Variants in ATP2B2 observed in about 807,000 individuals in gnomAD.
The protein encoded by ATP2B2 is plasma membrane calcium-transporting ATPase 2.
A neutral mutation model predicts 120.0 loss-of-function variants in ATP2B2; 15 were observed. The observed-to-expected ratio is 0.12, with a 90% CI of 0.08 to 0.19. The LOEUF is 0.19. Among genes scored for constraint, ATP2B2 ranks in the 10% least tolerant of loss-of-function variants. The pLI, the probability that ATP2B2 is intolerant of heterozygous loss-of-function variation, is 1.00. For missense variants in ATP2B2, 1,045 were observed against 1,719.8 expected (o/e 0.61, Z 6.94); for synonymous variants, 694 against 700.3 (o/e 0.99, Z 0.14).
upstream of ATP2B2, among the ~76,000 whole-genome samples, chr3:10,508,733 C>T (rs1393623752): frequency 6.6e-6 from 1 of 152,154 alleles, no homozygotes; most frequent in Non-Finnish European, 1.5e-5. Context: ...GGGTATTGGA[C>T]AGGCAGAGGT....
At chr3:10,385,363 C>G in intron 7 of ATP2B2, 36 bp from the exon 8 acceptor site, 1 of 1,595,238 alleles carries the variant, frequency 6.3e-7, no homozygotes. Context: ...AATGCAGTGT[C>G]ACAATGGAGA....
In ATP2B2 at chr3:10,402,479, G is replaced by A. The variant is rs559515935; in HGVS notation, c.398-131C>T. 7.4e-7 allele frequency: 1 copy of A among 1,350,044 alleles called. No individual in the cohort carries two copies. The highest frequency in any genetic ancestry group is 2.3e-5 in the East Asian group (1 of 42,664). 83.6% of individuals were successfully genotyped at this position (1,350,044 alleles called of 1,614,324 possible). ...CAGATGATAATTATCCACTTACTCA[G>A]TGTGTCTGGGTACCAAGCCCTGTGG... On this transcript the variant is annotated intron_variant, in intron 3 of 22. Transcript: ENST00000360273. The surrounding 1 kb of genome is among the most constrained non-coding windows in gnomAD (Gnocchi z 4.9).
chr3:10,565,914 C>T (rs1575502746), intron 2 of ATP2B2, among the ~76,000 whole-genome samples: 1 of 152,310 alleles, frequency 6.6e-6, no homozygotes, highest in African/African-American at 2.4e-5. Flanking sequence ...CTCACTTCAT[C>T]CATCCATCCT....
At chr3:10,407,467 G>C (rs983132891) in intron 3 of ATP2B2, among the ~76,000 whole-genome samples, 1 of 152,052 alleles carries the variant, frequency 6.6e-6, no homozygotes, top group Non-Finnish European at 1.5e-5. Flanking sequence ...GACAGGGCCG[G>C]CGTTGCTCCT....
intron 2 of ATP2B2, among the ~76,000 whole-genome samples, chr3:10,592,630 C>T (rs2068671317): frequency 6.6e-6 from 1 of 152,234 alleles, no homozygotes; most frequent in South Asian, 2.1e-4. Context: ...TAATCATGAA[C>T]ATGAAACACC....
At chr3:10,678,388 A>G (rs1238959453) in intron 1 of ATP2B2, among the ~76,000 whole-genome samples, 1 of 152,172 alleles carries the variant, frequency 6.6e-6, no homozygotes, top group Non-Finnish European at 1.5e-5. Context: ...GGCACTTCCC[A>G]GGGGTGGCCA....
At chr3:10,334,563 A>T (rs1462416009) in intron 22 of ATP2B2, among the ~76,000 whole-genome samples, 1 of 151,948 alleles carries the variant, frequency 6.6e-6, no homozygotes, top group Non-Finnish European at 1.5e-5. Context: ...ACGGTATCTC[A>T]TGGAAATGTG....
chr3:10,486,612 T>C (rs929807741), intron 1 of ATP2B2, among the ~76,000 whole-genome samples: 2 of 152,102 alleles, frequency 1.3e-5, no homozygotes, highest in African/African-American at 4.8e-5. Flanking sequence ...ATCTTGAACA[T>C]CACCTACTAG....
chr3:10,679,544 G>C (rs1321116276), intron 1 of ATP2B2, among the ~76,000 whole-genome samples: 1 of 152,186 alleles, frequency 6.6e-6, no homozygotes, highest in Non-Finnish European at 1.5e-5. Flanking sequence ...CAGTTTGGGG[G>C]ATAGTCAGGA....
intron 1 of ATP2B2, among the ~76,000 whole-genome samples, chr3:10,684,024 T>G (rs1355699282): frequency 6.6e-6 from 1 of 151,836 alleles, no homozygotes; most frequent in Non-Finnish European, 1.5e-5. Context: ...GCAGCTCCAT[T>G]GGAGAATTGT....
chr3:10,359,165 A>G (rs1160946069), intron 13 of ATP2B2, among the ~76,000 whole-genome samples: 1 of 151,886 alleles, frequency 6.6e-6, no homozygotes, highest in Non-Finnish European at 1.5e-5. Context: ...CTGAAATAAC[A>G]CTCCCACAGC....
intron 1 of ATP2B2, among the ~76,000 whole-genome samples, chr3:10,705,749 A>C (rs2071886816): frequency 6.6e-6 from 1 of 152,240 alleles, no homozygotes; most frequent in African/African-American, 2.4e-5. Flanking sequence ...GCAAAAAATA[A>C]TTGCTCAAAA....
intron 2 of ATP2B2, among the ~76,000 whole-genome samples, chr3:10,584,042 G>T (rs1205753131): frequency 6.6e-6 from 1 of 152,220 alleles, no homozygotes; most frequent in African/African-American, 2.4e-5. Flanking sequence ...AGACACAGCC[G>T]CTGCCCTCCT....
chr3:10,601,424 A>T (rs989698585), intron 2 of ATP2B2, among the ~76,000 whole-genome samples: 3 of 152,094 alleles, frequency 2.0e-5, no homozygotes, highest in Admixed American at 6.5e-5. Flanking sequence ...GCCTTGCCTG[A>T]GTCAGAGGCC....
At chr3:10,543,552 C>A (rs1312473486) in intron 2 of ATP2B2, among the ~76,000 whole-genome samples, 3 of 152,126 alleles carry the variant, frequency 2.0e-5, no homozygotes, top group Non-Finnish European at 2.9e-5. Flanking sequence ...CTTTAATCTT[C>A]TAATTGTTTT....
intron 1 of ATP2B2, among the ~76,000 whole-genome samples, chr3:10,670,718 GC>G (rs2071074673): frequency 6.6e-6 from 1 of 152,182 alleles, no homozygotes; most frequent in South Asian, 2.1e-4. Context: ...ACGGGGCCCG[GC>G]CCTGATATTA....
chr3:10,609,773 G>A (rs1269299860), intron 2 of ATP2B2, among the ~76,000 whole-genome samples: 1 of 152,186 alleles, frequency 6.6e-6, no homozygotes, highest in Non-Finnish European at 1.5e-5. Context: ...GCTCAGGGCT[G>A]ATGAGGTGGA....
At chr3:10,376,458 C>T (rs2061383402) in intron 10 of ATP2B2, among the ~76,000 whole-genome samples, 2 of 152,110 alleles carry the variant, frequency 1.3e-5, no homozygotes, top group Admixed American at 6.6e-5. Context: ...AACTGAGGCT[C>T]AGATAGGGGA....
chr3:10,528,674 T>C (rs2067149282), intron 3 of ATP2B2, among the ~76,000 whole-genome samples: 1 of 129,972 alleles, frequency 7.7e-6, no homozygotes, highest in African/African-American at 3.6e-5. Context: ...ATTTTTCACT[T>C]TTATGTGAAT....
Sources: gnomAD v4.1 joint callset for allele counts (sites outside exome capture counted in the v4.1 genomes callset) on GRCh38, gnomAD v4.1.1 for gene constraint, Gnocchi (gnomAD v3.1) non-coding constraint, MANE v1.5 for transcripts, NCBI Gene and HGNC (gene_info 2026-07-23, HGNC 2026-07-21) for gene names.